PHKB: variants seen among roughly 807,000 people sequenced by gnomAD.
The protein encoded by PHKB is phosphorylase b kinase regulatory subunit beta.
PHKB carries 122 observed loss-of-function variants against 152.1 expected under a neutral mutation model. The ratio of observed to expected loss-of-function variants is 0.80; its 90% CI spans 0.69 to 0.93. PHKB has a LOEUF of 0.93. PHKB is among the 40% of genes least tolerant of loss of function. The pLI, the probability that PHKB is intolerant of heterozygous loss-of-function variation, is 0.00. For missense variants in PHKB, 1,304 were observed against 1,328.4 expected, an observed-to-expected ratio of 0.98 and a Z score of 0.29; for synonymous variants, 436 against 464.9, an observed-to-expected ratio of 0.94 and a Z score of 0.80.
chr16:47,483,661 T>C (rs113137791), intron 1 of PHKB, among the ~76,000 whole-genome samples: 1 of 152,136 alleles, frequency 6.6e-6, no homozygotes, highest in Admixed American at 6.5e-5. Context: ...TTATAAGCAA[T>C]AGAATAACAG....
At position 47,480,397 on chromosome 16, in the gene PHKB, T is replaced by A. The variant is rs189013575; in HGVS notation, c.77-17002T>A. On this transcript the variant is annotated intron_variant, in intron 1 of 30. Transcript: ENST00000323584. ...CTTTCATATTTCATGCAGCTTATAA[T>A]TTAAAAGAGAACAATAGTATTAAAC... Among the ~76,000 whole-genome samples the A allele has an allele frequency of 5.3e-5, 8 of 152,348 alleles. No homozygotes were observed. In the East Asian group the frequency reaches 1.5e-3, roughly 29 times the overall value.
chr16:47,526,569 G>A (rs1188832825), intron 6 of PHKB, among the ~76,000 whole-genome samples: 1 of 151,820 alleles, frequency 6.6e-6, no homozygotes, highest in African/African-American at 2.4e-5. Flanking sequence ...AACGGTCAGG[G>A]CACCACTGAA....
chr16:47,684,434 T>C (rs1020713279), intron 26 of PHKB, among the ~76,000 whole-genome samples: 2 of 152,184 alleles, frequency 1.3e-5, no homozygotes, highest in African/African-American at 4.8e-5. Context: ...GAAAGAAACA[T>C]GCCAATACAC....
intron 3 of PHKB, among the ~76,000 whole-genome samples, chr16:47,502,443 C>G (rs961813838): frequency 3.3e-5 from 5 of 152,064 alleles, no homozygotes; most frequent in African/African-American, 9.7e-5. Flanking sequence ...GAATATAAAG[C>G]TCTATGCCAA....
intron 6 of PHKB, among the ~76,000 whole-genome samples, chr16:47,530,782 A>C (rs1017774775): frequency 5.3e-5 from 8 of 152,178 alleles, no homozygotes; most frequent in Admixed American, 2.6e-4. Flanking sequence ...AAAATTATAA[A>C]ACTTGGATCA....
intron 6 of PHKB, among the ~76,000 whole-genome samples, chr16:47,546,723 A>G (rs1050106439): frequency 6.6e-6 from 1 of 152,128 alleles, no homozygotes; most frequent in Non-Finnish European, 1.5e-5. Context: ...AGTGGAGTCT[A>G]CAGAAGCAGG....
chr16:47,670,700 A>AG (rs943673700), intron 26 of PHKB, among the ~76,000 whole-genome samples: 3 of 151,890 alleles, frequency 2.0e-5, no homozygotes, highest in Admixed American at 6.6e-5. Context: ...ATGTTGGCCA[A>AG]GCTGGTCTTG....
chr16:47,653,704 T>C (rs1973280762), intron 20 of PHKB, among the ~76,000 whole-genome samples: 1 of 152,154 alleles, frequency 6.6e-6, no homozygotes, highest in South Asian at 2.1e-4. Context: ...TTAAGAAATA[T>C]GTGGGCCTAT....
At chr16:47,522,680 A>G (rs1970705152) in intron 6 of PHKB, among the ~76,000 whole-genome samples, 1 of 151,726 alleles carries the variant, frequency 6.6e-6, no homozygotes, top group South Asian at 2.1e-4. Context: ...GGCATTTTCA[A>G]TTATAAATTT....
At chr16:47,558,271 T>C (rs774081936) in intron 7 of PHKB, among the ~76,000 whole-genome samples, 8 of 149,588 alleles carry the variant, frequency 5.3e-5, no homozygotes, top group Non-Finnish European at 3.0e-5. Context: ...TTAGGAGATA[T>C]ATCTAATGCT....
chr16:47,566,988 C>G (rs570802439), intron 7 of PHKB: 45 of 463,366 alleles, frequency 9.7e-5, no homozygotes, highest in Non-Finnish European at 1.7e-4. Context: ...GTTTTAGTTA[C>G]TATAGCCTTG....
intron 20 of PHKB, among the ~76,000 whole-genome samples, chr16:47,654,278 C>T (rs574769948): frequency 1.3e-5 from 2 of 152,202 alleles, no homozygotes; most frequent in Admixed American, 6.5e-5. Context: ...GTTAAAATGG[C>T]GATCATTAAA....
chr16:47,646,714 TAC>T (rs1973134867), intron 16 of PHKB, among the ~76,000 whole-genome samples: 1 of 152,066 alleles, frequency 6.6e-6, no homozygotes. Context: ...GCAAGGCCTG[TAC>T]ACAGTTAATA....
chr16:47,552,584 G>T (rs1971291509), intron 7 of PHKB, among the ~76,000 whole-genome samples: 1 of 152,144 alleles, frequency 6.6e-6, no homozygotes, highest in African/African-American at 2.4e-5. Flanking sequence ...GTCAAGTCAG[G>T]TGGATCACAA....
chr16:47,543,167 TAC>T (rs1971093025), intron 6 of PHKB, among the ~76,000 whole-genome samples: 1 of 152,226 alleles, frequency 6.6e-6, no homozygotes, highest in Non-Finnish European at 1.5e-5. Flanking sequence ...TATTTTGAGA[TAC>T]ATTCCATCAA....
At chr16:47,559,966 G>A (rs1368666372) in intron 7 of PHKB, among the ~76,000 whole-genome samples, 1 of 152,182 alleles carries the variant, frequency 6.6e-6, no homozygotes, top group African/African-American at 2.4e-5. Context: ...TGCCATTAGT[G>A]TGCTAACAGT....
intron 1 of PHKB, chr16:47,464,042 T>TCAGAAACAAAGG: frequency 8.5e-7 from 1 of 1,173,764 alleles, no homozygotes; most frequent in Non-Finnish European, 1.3e-6. Context: ...TTAAATACCT[T>TCAGAAACAAAGG]TGTTTCTGAA....
At chr16:47,558,184 T>C (rs1001134486) in intron 7 of PHKB, among the ~76,000 whole-genome samples, 3 of 135,916 alleles carry the variant, frequency 2.2e-5, no homozygotes, top group African/African-American at 8.4e-5. Flanking sequence ...ACTTGAACAA[T>C]GAGAACACAT....
At chr16:47,543,459 T>A (rs1367198702) in intron 6 of PHKB, among the ~76,000 whole-genome samples, 1 of 152,168 alleles carries the variant, frequency 6.6e-6, no homozygotes, top group Non-Finnish European at 1.5e-5. Context: ...GGTCTAAAAT[T>A]CTCTTTTTTT....
Sources: allele counts gnomAD v4.1 joint callset (sites outside exome capture counted in the v4.1 genomes callset), GRCh38; gene constraint gnomAD v4.1.1; transcripts MANE v1.5; gene names NCBI Gene and HGNC (gene_info 2026-07-23, HGNC 2026-07-21).